The following SEMA4F variants were observed in gnomAD, a reference collection of about 807,000 sequenced individuals.
The protein encoded by SEMA4F is ssemaphorin 4F.
SEMA4F carries 51 observed loss-of-function variants against 78.4 expected under a neutral mutation model. That is an observed-to-expected ratio of 0.65 (90% CI 0.52 to 0.82). The LOEUF is 0.82. SEMA4F is among the 40% of genes least tolerant of loss of function. The pLI is 0.00. For synonymous variants in SEMA4F, 418 were observed against 408.7 expected, an observed-to-expected ratio of 1.02 and a Z score of -0.27; for missense variants, 938 against 1,014.4, an observed-to-expected ratio of 0.92 and a Z score of 1.02.
In SEMA4F at chr2:74,674,539, G is replaced by T; in HGVS notation, c.864G>T (p.Thr288=). 1 of 1,614,062 alleles carries T rather than the reference G, an allele frequency of 6.2e-7. No homozygotes were observed. Among genetic ancestry groups the T allele is most frequent in the Non-Finnish European group, 8.5e-7 (1 of 1,180,000 alleles). Residue 288 remains threonine (T), a synonymous_variant, in exon 8 of 14, where the codon ACG becomes ACT. Transcript: ENST00000357877. ...GGRKTLQQRW[T]TFLKADLLCP... is the part of the protein sequence containing the mutation. ...GGAAGACCCTCCAGCAGAGATGGAC[G>T]ACGTTTTTGAAAGCTGACCTGCTCT...
intron 1 of SEMA4F, among the ~76,000 whole-genome samples, chr2:74,656,252 C>T (rs1222770154): frequency 6.6e-6 from 1 of 152,096 alleles, no homozygotes; most frequent in East Asian, 1.9e-4. Flanking sequence ...TCAAGTGATC[C>T]ACCCACCTCA....
rs1037213624 is a variant in SEMA4F at position 74,659,788 on chromosome 2, T to C, written c.456+1837T>C. Among the ~76,000 whole-genome samples the C allele has an allele frequency of 2.0e-5, 3 of 152,224 alleles. No individual in the cohort carries two copies. In the East Asian group the frequency reaches 5.8e-4, roughly 29 times the overall value. On this transcript the variant is annotated intron_variant, in intron 4 of 13. Transcript: ENST00000357877. ...CCTCACTGCTGAACCTCTCATGTCC[T>C]AGACTGATGACTTTGAGACTGTATA...
chr2:74,690,128 C>T, the SEMA4F span, among the ~76,000 whole-genome samples: 3 of 152,214 alleles, frequency 2.0e-5, no homozygotes, highest in Non-Finnish European at 4.4e-5. Flanking sequence ...AAACACCCCA[C>T]GGTTCCCCAT....
intron 5 of SEMA4F, among the ~76,000 whole-genome samples, chr2:74,664,893 C>G (rs1040511823): frequency 1.3e-5 from 2 of 152,086 alleles, no homozygotes; most frequent in Non-Finnish European, 2.9e-5. Context: ...GAGCAGATAA[C>G]ATTTTTTCTT....
chr2:74,686,570 C>T (rs1363035788), downstream of SEMA4F, among the ~76,000 whole-genome samples: 1 of 152,184 alleles, frequency 6.6e-6, no homozygotes, highest in Non-Finnish European at 1.5e-5. Context: ...TATAAAGACA[C>T]GTGCACACGT....
chr2:74,694,065 T>A, the SEMA4F span, among the ~76,000 whole-genome samples: 1 of 152,094 alleles, frequency 6.6e-6, no homozygotes, highest in Admixed American at 6.5e-5. Flanking sequence ...GTAAACAGAG[T>A]TTAGACAACT....
rs764952342 is a variant in SEMA4F, at chr2:74,654,414, G to A, written c.38G>A (p.Gly13Glu). The change falls in exon 1 of 14, where the codon GGG (glycine) becomes GAG (glutamate). Residue 13 changes from glycine (G) to glutamate (E), a missense_variant. Gly to Glu is a moderately conservative substitution (Grantham distance 98, BLOSUM62 -2). Transcript: ENST00000357877. ...GCTGCGCGGCCCCGCCCGGGTCCCGGGCAGCCTACAGCCTCGCCCTTCCCG... is the reference window on the plus strand; with the variant it reads ...GCTGCGCGGCCCCGCCCGGGTCCCGAGCAGCCTACAGCCTCGCCCTTCCCG... ...ASAARPRPGP[G>E]QPTASPFPLL... is the part of the protein sequence containing the mutation. The A allele has an allele frequency of 7.1e-6, 11 of 1,543,018 alleles. No individual in the cohort carries two copies. The highest frequency in any genetic ancestry group is 5.7e-5 in the Admixed American group (3 of 53,084).
chr2:74,673,632 T>C, intron 6 of SEMA4F, 45 bp from the exon 7 acceptor site: 1 of 1,612,946 alleles, frequency 6.2e-7, no homozygotes, highest in Non-Finnish European at 8.5e-7. Flanking sequence ...GTCTGGGAAG[T>C]CCTAGGTTGT....
chr2:74,657,427 A>G (rs1684211933), intron 2 of SEMA4F, 138 bp from the exon 3 acceptor site: 1 of 670,346 alleles, frequency 1.5e-6, no homozygotes, highest in African/African-American at 1.8e-5. Context: ...GGGGACCTCC[A>G]TTTGAAAAAC....
Position 74,656,625 on chromosome 2 carries a change from T to G in SEMA4F, c.237T>G (p.Val79=). The G allele has an allele frequency of 6.2e-7, 1 of 1,614,214 alleles. No homozygotes were observed. Among genetic ancestry groups the G allele is most frequent in the South Asian group, 1.1e-5 (1 of 91,082 alleles). Residue 79 remains valine, a synonymous_variant, in exon 2 of 14, where the codon GTT becomes GTG. Coordinates refer to ENST00000357877, the MANE Select transcript of SEMA4F (RefSeq NM_004263.5). ...ATCCTGCCTCCCACACACTTTATGT[T>G]GGCGCCCGGGACACCATCTTCGCTT... ...LVDPASHTLY[V]GARDTIFALS...
chr2:74,695,179 A>G, the SEMA4F span, among the ~76,000 whole-genome samples: 1 of 152,186 alleles, frequency 6.6e-6, no homozygotes, highest in Non-Finnish European at 1.5e-5. Flanking sequence ...TTATAGCAAC[A>G]CTGTCCACAA....
intron 2 of SEMA4F, 106 bp downstream of exon 2, chr2:74,656,791 C>A (rs3025983): frequency 1.6e-6 from 2 of 1,243,554 alleles, no homozygotes; most frequent in Non-Finnish European, 2.2e-6. Flanking sequence ...GATGTAACAG[C>A]AGGGGTAGTA....
At position 74,662,737 on chromosome 2, in the gene SEMA4F, G is replaced by A; in HGVS notation, c.462G>A (p.Val154=). The change falls in exon 5 of 14, where the codon GTG becomes GTA. Residue 154 remains valine, a synonymous_variant. Coordinates refer to ENST00000357877, the MANE Select transcript of SEMA4F (RefSeq NM_004263.5). ...AFDPKCGVID[V]SRFQQVERLE... is the part of the protein sequence containing the mutation. ...TGCCCCCTTCTGGTCTATAGGATGT[G>A]TCCAGGTTCCAGCAGGTTGAAAGAC... 4 of 1,614,028 alleles carry A rather than the reference G, an allele frequency of 2.5e-6. No individual in the cohort carries two copies. Among genetic ancestry groups the A allele is most frequent in the Non-Finnish European group, 3.4e-6 (4 of 1,179,918 alleles).
Position 74,658,037 on chromosome 2 carries a change from T to G in SEMA4F, c.456+86T>G. ...TGGTGGTGGGAGGATGGGAAGGGTT[T>G]TCTGTGAGCGACCATGATGGGGGCA... On this transcript the variant is annotated intron_variant, in intron 4 of 13. Transcript: ENST00000357877. The surrounding 1 kb of genome is among the most constrained non-coding windows in gnomAD (Gnocchi z 4.3). 1.6e-6 allele frequency: 2 copies of G among 1,232,350 alleles called. No homozygotes were observed. Among genetic ancestry groups the G allele is most frequent in the Non-Finnish European group, 2.4e-6 (2 of 839,748 alleles). The allele number at this position is 1,232,350 out of a possible 1,614,324, so 76.3% of individuals were successfully genotyped here. A position where few individuals can be genotyped will look rare whatever the true frequency, so the allele number is the denominator to read the frequency against.
chr2:74,668,441 G>A (rs1369705061), intron 5 of SEMA4F, among the ~76,000 whole-genome samples: 1 of 152,098 alleles, frequency 6.6e-6, no homozygotes, highest in Non-Finnish European at 1.5e-5. Flanking sequence ...TCATCTAATT[G>A]TGCCCAATAA....
chr2:74,657,030 G>T (rs987139943), intron 2 of SEMA4F, among the ~76,000 whole-genome samples: 1 of 152,096 alleles, frequency 6.6e-6, no homozygotes, highest in African/African-American at 2.4e-5. Flanking sequence ...GAACTATACA[G>T]TTTGAGCATC....
In SEMA4F at chr2:74,676,044, C is replaced by T. The variant is rs363642; in HGVS notation, c.1643+135C>T. 7.2e-3 allele frequency: 6,432 copies of T among 896,480 alleles called. 319 individuals are homozygous for T. In the Admixed American group the frequency reaches 0.11, roughly 15 times the overall value. 55.5% of individuals were successfully genotyped at this position (896,480 alleles called of 1,614,324 possible). Reference sequence around the variant, plus strand: ...TCTGTCTGTTAGTGTCTACATCACTCGTGTGTCCTTCTGTCAGTCCATACT... The same window carrying T: ...TCTGTCTGTTAGTGTCTACATCACTTGTGTGTCCTTCTGTCAGTCCATACT... On this transcript the variant is annotated intron_variant, in intron 12 of 13. Coordinates refer to ENST00000357877, the MANE Select transcript of SEMA4F (RefSeq NM_004263.5).
At chr2:74,685,275 C>T (rs1685795754), downstream of SEMA4F, among the ~76,000 whole-genome samples, 1 of 152,104 alleles carries the variant, frequency 6.6e-6, no homozygotes, top group Admixed American at 6.5e-5. Context: ...AACTTAGTGT[C>T]TCACTTAGTA....
At chr2:74,685,175 A>C (rs1338650415), downstream of SEMA4F, among the ~76,000 whole-genome samples, 1 of 152,176 alleles carries the variant, frequency 6.6e-6, no homozygotes, top group African/African-American at 2.4e-5. Flanking sequence ...CTCTTAGAGA[A>C]ATGGCGACTG....
Sources: gnomAD v4.1 joint callset for allele counts (sites outside exome capture counted in the v4.1 genomes callset) on GRCh38, gnomAD v4.1.1 for gene constraint, Gnocchi (gnomAD v3.1) non-coding constraint, MANE v1.5 for transcripts, NCBI Gene and HGNC (gene_info 2026-07-23, HGNC 2026-07-21) for gene names.